Variants in PDCL2 observed in about 807,000 individuals in gnomAD.
PDCL2 encodes phosducin-like protein 2.
A neutral mutation model predicts 30.3 loss-of-function variants in PDCL2; 23 were observed. The observed-to-expected ratio is 0.76, with a 90% CI of 0.55 to 1.08. The LOEUF (loss-of-function observed/expected upper bound fraction) is 1.08, where lower values mean the gene tolerates loss of function less well. Among genes scored for constraint, PDCL2 ranks in the 50% least tolerant of loss-of-function variants. The probability of loss-of-function intolerance (pLI) is 0.00; values close to 1 mark genes in which losing one functional copy is unlikely to be tolerated. For synonymous variants in PDCL2, 68 were observed against 86.2 expected (o/e 0.79, Z 1.17); for missense variants, 243 against 282.3 (o/e 0.86, Z 1.00).
At chr4:55,563,405 G>C (rs1037433925) in intron 4 of PDCL2, among the ~76,000 whole-genome samples, 23 of 152,126 alleles carry the variant, frequency 1.5e-4, no homozygotes, top group Non-Finnish European at 5.9e-5. Context: ...TTTGAGCCGG[G>C]TGCAGTGGCT....
chr4:55,576,482 A>C, intron 3 of PDCL2, among the ~76,000 whole-genome samples: 1 of 152,352 alleles, frequency 6.6e-6, no homozygotes, highest in Non-Finnish European at 1.5e-5. Context: ...TAATGGATGC[A>C]CAATATATAA....
chr4:55,557,828 G>A (rs778686558), intron 5 of PDCL2, among the ~76,000 whole-genome samples: 2 of 151,896 alleles, frequency 1.3e-5, no homozygotes, highest in South Asian at 4.2e-4. Context: ...CAAGTTGGCC[G>A]AGCGTGGTGG....
In PDCL2 at chr4:55,592,222, G is replaced by C. The variant is rs1733024608; in HGVS notation, c.-113C>G. ...GAAGAGCGCCCGCTTCAGGCCCGGC[G>C]GTTTCGAGTGACCGCCAGAAGAGGG... On this transcript the variant is annotated 5_prime_UTR_variant, in exon 1 of 6. Coordinates refer to ENST00000295645, the MANE Select transcript of PDCL2 (RefSeq NM_152401.3). 2 of 1,477,662 alleles carry C rather than the reference G, an allele frequency of 1.4e-6. No individual in the cohort carries two copies. 91.5% of individuals were successfully genotyped at this position (1,477,662 alleles called of 1,614,324 possible). A position where few individuals can be genotyped will look rare whatever the true frequency, so the allele number is the denominator to read the frequency against.
chr4:55,587,619 A>T (rs1732897834), intron 1 of PDCL2, among the ~76,000 whole-genome samples: 1 of 150,276 alleles, frequency 6.7e-6, no homozygotes, highest in Admixed American at 6.7e-5. Context: ...AGTGCAGTGG[A>T]GCAATCTCGG....
At chr4:55,573,488 G>A (rs751913351) in intron 3 of PDCL2, among the ~76,000 whole-genome samples, 2 of 152,124 alleles carry the variant, frequency 1.3e-5, no homozygotes, top group Non-Finnish European at 2.9e-5. Context: ...CATGGCTTAA[G>A]CCTGTAATCC....
chr4:55,580,377 G>A (rs980190184), intron 3 of PDCL2, among the ~76,000 whole-genome samples: 1 of 152,070 alleles, frequency 6.6e-6, no homozygotes, highest in African/African-American at 2.4e-5. Flanking sequence ...AATTAGAACA[G>A]GTTCATACAT....
At chr4:55,579,462 G>A (rs1732650648) in intron 3 of PDCL2, among the ~76,000 whole-genome samples, 1 of 152,082 alleles carries the variant, frequency 6.6e-6, no homozygotes, top group Admixed American at 6.6e-5. Context: ...TCAAGTAGCT[G>A]GGATTACAGG....
chr4:55,568,384 T>C (rs1308697590), intron 4 of PDCL2, among the ~76,000 whole-genome samples: 2 of 152,126 alleles, frequency 1.3e-5, no homozygotes. Context: ...CTTGGAGGAA[T>C]GGGGGAGTGC....
intron 4 of PDCL2, among the ~76,000 whole-genome samples, chr4:55,569,341 A>G (rs114684939): frequency 2.3e-3 from 352 of 152,304 alleles, no homozygotes; most frequent in African/African-American, 7.4e-3. Context: ...ACACACACAC[A>G]GAAACAGTTA....
chr4:55,574,780 T>A (rs1318489115), intron 3 of PDCL2, among the ~76,000 whole-genome samples: 1 of 152,268 alleles, frequency 6.6e-6, no homozygotes, highest in African/African-American at 2.4e-5. Context: ...AACATATTGG[T>A]ACTTCATTTC....
chr4:55,559,620 G>T (rs1372454166), intron 5 of PDCL2, among the ~76,000 whole-genome samples: 1 of 152,066 alleles, frequency 6.6e-6, no homozygotes, highest in Admixed American at 6.6e-5. Context: ...ATTAAAAATA[G>T]AATTACCATA....
At chr4:55,568,082 T>A (rs1025932689) in intron 4 of PDCL2, among the ~76,000 whole-genome samples, 1 of 152,216 alleles carries the variant, frequency 6.6e-6, no homozygotes, top group African/African-American at 2.4e-5. Context: ...TACAGGGTTA[T>A]ATACAGGGCT....
chr4:55,560,773 A>T (rs1732113526), intron 5 of PDCL2, among the ~76,000 whole-genome samples: 2 of 152,186 alleles, frequency 1.3e-5, no homozygotes, highest in African/African-American at 4.8e-5. Context: ...GAGTGGTTAG[A>T]CCATGAGGGC....
chr4:55,587,378 T>C (rs1732890607), intron 1 of PDCL2, among the ~76,000 whole-genome samples: 1 of 152,084 alleles, frequency 6.6e-6, no homozygotes, highest in Non-Finnish European at 1.5e-5. Flanking sequence ...CAACTGAATT[T>C]TGGAGCAGAC....
At position 55,563,309 on chromosome 4, in the gene PDCL2, G is replaced by T. The variant is rs1186769945; in HGVS notation, c.363-697C>A. On this transcript the variant is annotated intron_variant, in intron 4 of 5. Transcript: ENST00000295645. Reference sequence around the variant, plus strand: ...TCCTTCCACCTCCCTTGGGATCTTTGTTGGTTATTCTGCTTCCCTCTTTTC... The same window carrying T: ...TCCTTCCACCTCCCTTGGGATCTTTTTTGGTTATTCTGCTTCCCTCTTTTC... Among the ~76,000 whole-genome samples the T allele has an allele frequency of 3.9e-5, 6 of 152,094 alleles. 1 individual carries two copies. The highest frequency in any genetic ancestry group is 3.9e-4 in the Admixed American group (6 of 15,262).
At chr4:55,572,402 G>GT (rs1732449629) in intron 3 of PDCL2, among the ~76,000 whole-genome samples, 1 of 152,196 alleles carries the variant, frequency 6.6e-6, no homozygotes, top group South Asian at 2.1e-4. Context: ...CCAGAAACTA[G>GT]GGAATCTGGA....
intron 3 of PDCL2, among the ~76,000 whole-genome samples, chr4:55,579,611 C>T (rs1732657285): frequency 6.6e-6 from 1 of 152,222 alleles, no homozygotes; most frequent in South Asian, 2.1e-4. Context: ...GTCACCGCAC[C>T]CTGCCTCAGA....
chr4:55,576,261 T>G (rs754325732), intron 3 of PDCL2, among the ~76,000 whole-genome samples: 6 of 152,084 alleles, frequency 3.9e-5, no homozygotes, highest in Non-Finnish European at 7.4e-5. Flanking sequence ...CAGCTAAATT[T>G]TTTGTATTTT....
intron 3 of PDCL2, among the ~76,000 whole-genome samples, chr4:55,572,969 AG>A (rs1732466633): frequency 2.0e-5 from 3 of 152,142 alleles, no homozygotes; most frequent in African/African-American, 7.2e-5. Flanking sequence ...CGTGTTAGCC[AG>A]GATGGTCTCG....
Sources: gnomAD v4.1 joint callset for allele counts (sites outside exome capture counted in the v4.1 genomes callset) on GRCh38, gnomAD v4.1.1 for gene constraint, MANE v1.5 for transcripts, NCBI Gene and HGNC (gene_info 2026-07-23, HGNC 2026-07-21) for gene names.